The following PHF14 variants were observed in gnomAD, a reference collection of about 807,000 sequenced individuals.
PHF14 encodes PHD finger protein 14.
A neutral mutation model predicts 117.9 loss-of-function variants in PHF14; 55 were observed. That is an observed-to-expected ratio of 0.47 (90% CI 0.38 to 0.58). The LOEUF (loss-of-function observed/expected upper bound fraction) is 0.58. Ranked by LOEUF, PHF14 falls within the 20% of genes least tolerant of loss-of-function variation. PHF14 has a pLI of 0.00. For synonymous variants in PHF14, 409 were observed against 368.6 expected (o/e 1.11, Z -1.26); for missense variants, 978 against 1,122.2 (o/e 0.87, Z 1.84).
intron 6 of PHF14, among the ~76,000 whole-genome samples, chr7:11,024,179 C>G (rs1415007938): frequency 6.6e-6 from 1 of 152,132 alleles, no homozygotes; most frequent in Non-Finnish European, 1.5e-5. Flanking sequence ...AAACCTCATC[C>G]AGAGCATGAC....
At chr7:11,032,275 G>C (rs569115023) in intron 7 of PHF14, among the ~76,000 whole-genome samples, 1 of 152,240 alleles carries the variant, frequency 6.6e-6, no homozygotes, top group Non-Finnish European at 1.5e-5. Context: ...AAGAAGATAA[G>C]TTTGATATGC....
chr7:10,998,322 G>C (rs1273661230), intron 4 of PHF14, among the ~76,000 whole-genome samples: 1 of 152,170 alleles, frequency 6.6e-6, no homozygotes, highest in Non-Finnish European at 1.5e-5. Flanking sequence ...GCCATTAGCA[G>C]AGAGTGGGAC....
intron 5 of PHF14, among the ~76,000 whole-genome samples, chr7:11,015,577 T>G (rs1047958898): frequency 6.6e-6 from 1 of 152,144 alleles, no homozygotes; most frequent in African/African-American, 2.4e-5. Context: ...TAGTCTTTTT[T>G]TTTTAATAGC....
intron 14 of PHF14, among the ~76,000 whole-genome samples, chr7:11,059,459 TACTA>T (rs949318585): frequency 4.6e-5 from 7 of 152,218 alleles, no homozygotes; most frequent in Non-Finnish European, 1.0e-4. Flanking sequence ...TGATATTGGT[TACTA>T]ATTTGGAGCA....
chr7:11,157,777 T>TC (rs1788909882), intron 17 of PHF14, among the ~76,000 whole-genome samples: 1 of 152,184 alleles, frequency 6.6e-6, no homozygotes, highest in Non-Finnish European at 1.5e-5. Flanking sequence ...TGGCAGTAAA[T>TC]ACTCATTTAT....
Position 11,035,778 on chromosome 7 carries a change from G to C in PHF14, c.1594G>C (p.Glu532Gln), listed in dbSNP as rs750448503. The C allele has an allele frequency of 6.2e-7, 1 of 1,604,602 alleles. No individual in the cohort carries two copies. The highest frequency in any genetic ancestry group is 1.3e-5 in the African/African-American group (1 of 74,492). Reference protein sequence around the residue: ...LQEREKQLSPEAQARINARLQ... With the variant: ...LQEREKQLSPQAQARINARLQ... ...AGAGAGAGAGAAGCAACTATCACCA[G>C]AAGCACAGGTATGGGATTCATGTCA... Residue 532 changes from glutamate to glutamine, a missense_variant, in exon 8 of 18, where the codon GAA (glutamate) becomes CAA (glutamine). Around this residue, in one of 7 missense-constraint regions of PHF14, gnomAD observed 237 missense variants for 276.4 expected, o/e 0.86. Coordinates refer to ENST00000634607, the MANE Select transcript of PHF14 (RefSeq NM_001007157.2).
intron 13 of PHF14, among the ~76,000 whole-genome samples, chr7:11,050,533 A>G (rs1272919417): frequency 6.6e-6 from 1 of 152,204 alleles, no homozygotes; most frequent in East Asian, 1.9e-4. Context: ...GCCACTAGCC[A>G]CATATGGCTA....
Position 11,102,458 on chromosome 7 carries a change from G to A in PHF14, c.2655-8892G>A, listed in dbSNP as rs1787125815. On this transcript the variant is annotated intron_variant, in intron 16 of 17. Transcript: ENST00000634607. ...GCTGCTATGATCTTTAAATGTTAAT[G>A]TTCTTTTCTTATCACTTTACTGTGT... 8 of 1,606,882 alleles carry A rather than the reference G, an allele frequency of 5.0e-6. No individual in the cohort carries two copies. The East Asian group carries it at 1.8e-4, about 36-fold the overall frequency.
At chr7:11,164,687 A>G (rs1419074407) in intron 17 of PHF14, among the ~76,000 whole-genome samples, 1 of 149,324 alleles carries the variant, frequency 6.7e-6, no homozygotes, top group Non-Finnish European at 1.5e-5. Context: ...GAAATTTCCC[A>G]TTTGCCTTTA....
chr7:11,038,276 C>G (rs1193432451), intron 10 of PHF14, among the ~76,000 whole-genome samples: 3 of 151,742 alleles, frequency 2.0e-5, no homozygotes, highest in Non-Finnish European at 4.4e-5. Flanking sequence ...ACTAAAAATA[C>G]AAAAGTTAGC....
At chr7:11,104,036 C>T in intron 16 of PHF14, 1 of 984,938 alleles carries the variant, frequency 1.0e-6, no homozygotes, top group Non-Finnish European at 1.2e-6. Context: ...TTGCCATTTT[C>T]TAAGTGGAAT....
At chr7:11,152,574 C>T (rs1788731333) in intron 17 of PHF14, among the ~76,000 whole-genome samples, 1 of 151,878 alleles carries the variant, frequency 6.6e-6, no homozygotes, top group African/African-American at 2.4e-5. Flanking sequence ...TTCATATATC[C>T]AATAACTATT....
intron 16 of PHF14, among the ~76,000 whole-genome samples, chr7:11,089,697 C>T (rs1370277243): frequency 1.3e-5 from 2 of 150,868 alleles, no homozygotes; most frequent in Non-Finnish European, 2.9e-5. Context: ...ATTATTGCCT[C>T]ATGAATATAC....
chr7:11,062,396 C>T (rs1201094606), intron 16 of PHF14: 1 of 175,388 alleles, frequency 5.7e-6, no homozygotes, highest in Non-Finnish European at 1.2e-5. Flanking sequence ...ACACTGTGTA[C>T]TAAGATTATT....
chr7:10,988,068 T>A (rs1481518651), intron 3 of PHF14, among the ~76,000 whole-genome samples: 3 of 151,954 alleles, frequency 2.0e-5, no homozygotes, highest in Non-Finnish European at 4.4e-5. Context: ...ATCCTAATTT[T>A]TTTTAAGGAG....
At chr7:11,038,455 C>T (rs566795324) in intron 10 of PHF14, among the ~76,000 whole-genome samples, 1 of 146,222 alleles carries the variant, frequency 6.8e-6, no homozygotes, top group East Asian at 2.0e-4. Context: ...AAAAATAGAT[C>T]GAGACCATCC....
intron 17 of PHF14, among the ~76,000 whole-genome samples, chr7:11,121,489 C>G (rs1486077184): frequency 6.6e-6 from 1 of 152,118 alleles, no homozygotes; most frequent in Non-Finnish European, 1.5e-5. Context: ...GGGTTATGTT[C>G]CAAGACCCCT....
chr7:11,052,082 T>C (rs1223863278), intron 14 of PHF14, among the ~76,000 whole-genome samples: 2 of 152,176 alleles, frequency 1.3e-5, no homozygotes, highest in African/African-American at 4.8e-5. Context: ...AAGCTCATCT[T>C]TATCTGTCTA....
intron 4 of PHF14, among the ~76,000 whole-genome samples, chr7:11,004,351 CTTT>C (rs56235368): frequency 8.4e-5 from 11 of 130,732 alleles, no homozygotes; most frequent in East Asian, 2.2e-4. Flanking sequence ...TTCTTCCAGG[CTTT>C]TTTTTTTTTT....
Sources: gnomAD v4.1 joint callset for allele counts (sites outside exome capture counted in the v4.1 genomes callset) on GRCh38, gnomAD v4.1.1 for gene constraint, gnomAD v4.1.1 regional missense constraint, MANE v1.5 for transcripts, NCBI Gene and HGNC (gene_info 2026-07-23, HGNC 2026-07-21) for gene names.